Variants in KIF13B observed in about 807,000 individuals in gnomAD.
KIF13B encodes the protein kinesin-like protein KIF13B.
In KIF13B, 127 loss-of-function variants were observed where a neutral mutation model predicts 222.0. The ratio of observed to expected loss-of-function variants is 0.57; its 90% CI spans 0.50 to 0.66. The LOEUF (loss-of-function observed/expected upper bound fraction) is 0.66, where lower values mean the gene tolerates loss of function less well. Ranked by LOEUF, KIF13B falls within the 30% of genes least tolerant of loss-of-function variation. The probability of loss-of-function intolerance (pLI) is 0.00; values close to 1 mark genes in which losing one functional copy is unlikely to be tolerated. For missense variants in KIF13B, 2,173 were observed against 2,379.0 expected (o/e 0.91, Z 1.80); for synonymous variants, 976 against 919.0 (o/e 1.06, Z -1.12).
intron 2 of KIF13B, among the ~76,000 whole-genome samples, chr8:29,223,162 T>G (rs991681917): frequency 1.7e-5 from 1 of 57,546 alleles, no homozygotes; most frequent in African/African-American, 5.8e-5. Context: ...TACAAAAAAA[T>G]ACAAAAAAAA....
rs1811061418 is a variant in KIF13B, at chr8:29,146,429, T to C, written c.2136A>G (p.Glu712=). The C allele has an allele frequency of 1.2e-6, 2 of 1,613,836 alleles. No individual in the cohort carries two copies. The highest frequency in any genetic ancestry group is 1.7e-5 in the Admixed American group (1 of 60,004). The change falls in exon 18 of 40, where the codon GAA becomes GAG. Residue 712 remains glutamate, a synonymous_variant. Transcript: ENST00000524189. The part of the protein sequence containing the change: ...YIAEELDKRT[E]YKVTLQIPAS... ...CTGGAATCTGTAGGGTAACTTTGTA[T>C]TCTGTTCTTTTATCCAGCTCCTCAG...
intron 29 of KIF13B, among the ~76,000 whole-genome samples, chr8:29,122,260 T>TAAATAAAA (rs1809901087): frequency 6.6e-6 from 1 of 151,860 alleles, no homozygotes; most frequent in Admixed American, 6.6e-5. Context: ...TCTCAAAAAA[T>TAAATAAAA]AAATAAATAA....
At chr8:29,085,711 T>C (rs1427540516) in intron 37 of KIF13B, among the ~76,000 whole-genome samples, 2 of 130,512 alleles carry the variant, frequency 1.5e-5, no homozygotes, top group Admixed American at 7.6e-5. Context: ...TCTTCTTTTT[T>C]TTTTTTTTTT....
chr8:29,212,375 G>A (rs1814269245), intron 2 of KIF13B, among the ~76,000 whole-genome samples: 1 of 152,186 alleles, frequency 6.6e-6, no homozygotes, highest in African/African-American at 2.4e-5. Flanking sequence ...AGCATCGTCT[G>A]TCGTTTTGAT....
At chr8:29,181,275 A>G (rs1354402478) in intron 7 of KIF13B, among the ~76,000 whole-genome samples, 1 of 152,206 alleles carries the variant, frequency 6.6e-6, no homozygotes, top group Non-Finnish European at 1.5e-5. Flanking sequence ...CCACCATACC[A>G]GCCCTGGAGA....
intron 37 of KIF13B, among the ~76,000 whole-genome samples, chr8:29,083,626 G>A (rs1010155639): frequency 5.3e-5 from 8 of 152,218 alleles, no homozygotes; most frequent in African/African-American, 1.2e-4. Flanking sequence ...GGCAAGGCTA[G>A]ACAGCAAAAT....
At chr8:29,160,173 G>A (rs1434086721) in intron 13 of KIF13B, among the ~76,000 whole-genome samples, 1 of 152,146 alleles carries the variant, frequency 6.6e-6, no homozygotes, top group African/African-American at 2.4e-5. Context: ...AGATTTCAGT[G>A]GATACCAATA....
chr8:29,118,800 C>A, intron 30 of KIF13B, 68 bp downstream of exon 30: 2 of 1,551,502 alleles, frequency 1.3e-6, no homozygotes, highest in South Asian at 1.2e-5. Context: ...CTTATTGTTT[C>A]AAAAAGCTCG....
intron 1 of KIF13B, among the ~76,000 whole-genome samples, chr8:29,257,385 G>C (rs1159186529): frequency 6.6e-6 from 1 of 151,366 alleles, no homozygotes; most frequent in Non-Finnish European, 1.5e-5. Flanking sequence ...AGGGGAACTT[G>C]AGGAGCAAGC....
chr8:29,109,559 C>A, intron 33 of KIF13B, 48 bp from the exon 34 acceptor site: 1 of 1,478,936 alleles, frequency 6.8e-7, no homozygotes, highest in Non-Finnish European at 9.5e-7. Context: ...AAGAGACACA[C>A]TGCAAAAGCA....
chr8:29,118,857 G>A lies in KIF13B; in HGVS notation c.3660+11C>T, dbSNP rs756745299. 1 of 1,613,034 alleles carries A rather than the reference G, an allele frequency of 6.2e-7. No individual in the cohort carries two copies. The highest frequency in any genetic ancestry group is 8.5e-7 in the Non-Finnish European group (1 of 1,179,538). On this transcript the variant is annotated intron_variant, in intron 30 of 39. Transcript: ENST00000524189. ...TTTTCATCTGACCATCCCAAGTTAGGCTTTCCTTACCTCCCCATCATGCTG... is the reference window on the plus strand; with the variant it reads ...TTTTCATCTGACCATCCCAAGTTAGACTTTCCTTACCTCCCCATCATGCTG...
intron 3 of KIF13B, among the ~76,000 whole-genome samples, chr8:29,191,882 G>A (rs1047041192): frequency 1.3e-5 from 2 of 152,016 alleles, no homozygotes; most frequent in African/African-American, 2.4e-5. Context: ...TTTTATCTCC[G>A]TAAAGATTTT....
chr8:29,152,842 TGCTG>T (rs1483302349), intron 14 of KIF13B, among the ~76,000 whole-genome samples: 1 of 152,110 alleles, frequency 6.6e-6, no homozygotes, highest in African/African-American at 2.4e-5. Flanking sequence ...CCTCTCAAAG[TGCTG>T]GGATTACAGG....
At chr8:29,253,755 G>A (rs1003466255) in intron 1 of KIF13B, among the ~76,000 whole-genome samples, 1 of 149,356 alleles carries the variant, frequency 6.7e-6, no homozygotes, top group African/African-American at 2.5e-5. Flanking sequence ...GCTTGAATCT[G>A]GGAGGCAGAG....
chr8:29,102,468 C>T (rs1182518353), intron 35 of KIF13B, among the ~76,000 whole-genome samples: 1 of 152,200 alleles, frequency 6.6e-6, no homozygotes, highest in Non-Finnish European at 1.5e-5. Context: ...CTAGTCGATA[C>T]TGAAGTCACT....
chr8:29,148,827 C>A, intron 15 of KIF13B, 60 bp from the exon 16 acceptor site: 1 of 1,370,756 alleles, frequency 7.3e-7, no homozygotes, highest in South Asian at 1.4e-5. Flanking sequence ...TCATGTCATT[C>A]ATTAAGTACT....
chr8:29,249,430 T>TAAA (rs770545452), intron 1 of KIF13B, among the ~76,000 whole-genome samples: 26 of 118,768 alleles, frequency 2.2e-4, no homozygotes, highest in African/African-American at 7.0e-4. Flanking sequence ...ACTCCGTCTT[T>TAAA]AAAAAAAAAA....
intron 7 of KIF13B, among the ~76,000 whole-genome samples, 177 bp from the exon 8 acceptor site, chr8:29,180,415 T>G (rs774055643): frequency 3.9e-5 from 6 of 152,214 alleles, no homozygotes; most frequent in Non-Finnish European, 7.3e-5. Flanking sequence ...ATACTGTCTC[T>G]GAAAACTTTC....
At chr8:29,075,897 G>A (rs1242836197) in intron 37 of KIF13B, among the ~76,000 whole-genome samples, 1 of 152,194 alleles carries the variant, frequency 6.6e-6, no homozygotes, top group Non-Finnish European at 1.5e-5. Context: ...AAAGCAAGAA[G>A]ACAGCTGAAG....
Sources: allele counts gnomAD v4.1 joint callset (sites outside exome capture counted in the v4.1 genomes callset), GRCh38; gene constraint gnomAD v4.1.1; transcripts MANE v1.5; gene names NCBI Gene and HGNC (gene_info 2026-07-23, HGNC 2026-07-21).